The following REPS2 variants were observed in gnomAD, a reference collection of about 807,000 sequenced individuals.
REPS2 encodes the protein RALBP1 associated Eps domain containing 2, also known as ralBP1-associated Eps domain-containing protein 2.
REPS2 carries 23 observed loss-of-function variants against 53.6 expected under a neutral mutation model. The ratio of observed to expected loss-of-function variants is 0.43; its 90% CI spans 0.31 to 0.61. The LOEUF is 0.61. Ranked by LOEUF, REPS2 falls within the 20% of genes least tolerant of loss-of-function variation. The probability of loss-of-function intolerance (pLI) is 0.11; values close to 1 mark genes in which losing one functional copy is unlikely to be tolerated. For synonymous variants in REPS2, 238 were observed against 218.6 expected, an observed-to-expected ratio of 1.09 and a Z score of -0.78; for missense variants, 446 against 534.9, an observed-to-expected ratio of 0.83 and a Z score of 1.64.
intron 8 of REPS2, among the ~76,000 whole-genome samples, chrX:17,056,561 G>A (rs1174851037): frequency 1.8e-5 from 2 of 110,821 alleles, no homozygotes; most frequent in Non-Finnish European, 3.8e-5. Flanking sequence ...CGGGTGTGGT[G>A]GCGGGTGCCT....
chrX:17,127,848 G>A (rs1226990231), intron 14 of REPS2, among the ~76,000 whole-genome samples: 1 of 112,035 alleles, frequency 8.9e-6, no homozygotes, highest in Non-Finnish European at 1.9e-5. Context: ...CTTCTGTCAA[G>A]ATGTCTTCCA....
intron 17 of REPS2, 112 bp from the exon 18 acceptor site, chrX:17,147,301 C>G: frequency 1.8e-6 from 1 of 559,245 alleles, no homozygotes; most frequent in East Asian, 3.4e-5. Flanking sequence ...TTATACAGCA[C>G]TTGTATTTGT....
rs1286780486 is a variant in REPS2, at chrX:17,149,095, G to A, written c.*1614G>A. ...TGAATCTATTCCGTGCATATTTAAG[G>A]ATTTTGAATTGATTTTGAAAATCAT... On this transcript the variant is annotated 3_prime_UTR_variant, in exon 18 of 18. Coordinates refer to ENST00000357277, the MANE Select transcript of REPS2 (RefSeq NM_004726.3). The A allele has an allele frequency of 7.2e-6, 2 of 276,913 alleles. No individual in the cohort carries two copies. The highest frequency in any genetic ancestry group is 1.4e-5 in the Non-Finnish European group (2 of 144,985). The allele number at this position is 276,913 out of a possible 1,213,427, so 22.8% of individuals were successfully genotyped here.
At chrX:17,145,057 TTC>T (rs2063495854) in intron 17 of REPS2, among the ~76,000 whole-genome samples, 1 of 112,217 alleles carries the variant, frequency 8.9e-6, no homozygotes, top group African/African-American at 3.2e-5. Context: ...CACATTTATT[TTC>T]CTGGATTTCC....
intron 1 of REPS2, among the ~76,000 whole-genome samples, chrX:17,004,752 G>A (rs2061342977): frequency 8.9e-6 from 1 of 111,983 alleles, no homozygotes. Flanking sequence ...GAGCTTTCCA[G>A]TTCCATGTGG....
At chrX:17,029,743 G>A in intron 5 of REPS2, 120 bp downstream of exon 5, 1 of 457,308 alleles carries the variant, frequency 2.2e-6, no homozygotes, top group East Asian at 3.9e-5. Flanking sequence ...GATCCTTCAT[G>A]CAAATATTGC....
At chrX:17,153,727 A>G (rs1409559495), downstream of REPS2, among the ~76,000 whole-genome samples, 1 of 110,926 alleles carries the variant, frequency 9.0e-6, no homozygotes, top group Non-Finnish European at 1.9e-5. Context: ...CACCTCTCCT[A>G]TTGGGTGAGG....
chrX:17,105,538 G>A (rs939308597), intron 14 of REPS2, among the ~76,000 whole-genome samples: 3 of 112,161 alleles, frequency 2.7e-5, no homozygotes, highest in African/African-American at 9.7e-5. Flanking sequence ...TTGGAGCTTA[G>A]TCACCAAAGA....
the REPS2 span, among the ~76,000 whole-genome samples, chrX:17,189,124 C>A: frequency 1.2e-4 from 13 of 111,167 alleles, no homozygotes; most frequent in Admixed American, 1.0e-3. Flanking sequence ...TAAATTCCAT[C>A]TTTCAAGGCC....
chrX:17,156,629 T>A (rs1197152898), downstream of REPS2, among the ~76,000 whole-genome samples: 4 of 110,945 alleles, frequency 3.6e-5, no homozygotes, highest in Non-Finnish European at 7.6e-5. Flanking sequence ...GTACCTGGGG[T>A]GGACCATTTC....
intron 3 of REPS2, chrX:17,022,477 A>G (rs1396417014): frequency 6.7e-6 from 2 of 300,133 alleles, no homozygotes; most frequent in African/African-American, 5.4e-5. Context: ...GGCCCTTTAG[A>G]GCCTACTTTA....
chrX:17,128,721 A>G (rs1431125750), intron 14 of REPS2, among the ~76,000 whole-genome samples: 1 of 112,757 alleles, frequency 8.9e-6, no homozygotes, highest in Non-Finnish European at 1.9e-5. Flanking sequence ...CAGGGATCAT[A>G]TTGTCCCATC....
downstream of REPS2, among the ~76,000 whole-genome samples, chrX:17,156,416 A>G (rs2063615514): frequency 9.2e-6 from 1 of 109,099 alleles, no homozygotes; most frequent in African/African-American, 3.3e-5. Context: ...ATACATATAT[A>G]TATATATATG....
intron 1 of REPS2, among the ~76,000 whole-genome samples, chrX:16,973,173 A>G (rs970882053): frequency 8.9e-6 from 1 of 111,782 alleles, no homozygotes; most frequent in African/African-American, 3.2e-5. Context: ...AATGATGCAT[A>G]TTTTTCAGTG....
chrX:17,127,522 T>C (rs758932830), intron 14 of REPS2, among the ~76,000 whole-genome samples: 1 of 111,972 alleles, frequency 8.9e-6, no homozygotes, highest in Non-Finnish European at 1.9e-5. Flanking sequence ...TCCAGGCTTC[T>C]GCCTGCTGTG....
chrX:17,123,375 A>G (rs1180070193), intron 14 of REPS2, among the ~76,000 whole-genome samples: 1 of 112,799 alleles, frequency 8.9e-6, no homozygotes, highest in Non-Finnish European at 1.9e-5. Context: ...AACCCAGGTC[A>G]TGGTCAAAAT....
the REPS2 span, among the ~76,000 whole-genome samples, chrX:17,193,871 A>G: frequency 3.6e-5 from 4 of 111,571 alleles, no homozygotes; most frequent in Admixed American, 3.8e-4. Flanking sequence ...AGGAACCTCT[A>G]AAACACAGGT....
At chrX:17,035,497 C>G (rs1025070453) in intron 5 of REPS2, among the ~76,000 whole-genome samples, 1 of 110,592 alleles carries the variant, frequency 9.0e-6, no homozygotes, top group Non-Finnish European at 1.9e-5. Context: ...TAATACTCAG[C>G]CCAGGGAATT....
At chrX:17,146,868 G>A (rs763634) in intron 17 of REPS2, among the ~76,000 whole-genome samples, 1 of 111,989 alleles carries the variant, frequency 8.9e-6, no homozygotes, top group Non-Finnish European at 1.9e-5. Context: ...AGATTGCTCA[G>A]CCTCTTTTCT....
Sources: gnomAD v4.1 joint callset for allele counts (sites outside exome capture counted in the v4.1 genomes callset) on GRCh38, gnomAD v4.1.1 for gene constraint, MANE v1.5 for transcripts, NCBI Gene and HGNC (gene_info 2026-07-23, HGNC 2026-07-21) for gene names.